The following ABCA7 variants were observed in gnomAD, a reference collection of about 807,000 sequenced individuals.
The protein encoded by ABCA7 is phospholipid-transporting ATPase ABCA7.
Under a neutral mutation model 227.6 loss-of-function variants are expected in ABCA7, and 261 were observed. The ratio of observed to expected loss-of-function variants is 1.15; its 90% confidence interval spans 1.04 to 1.27. ABCA7 has a LOEUF of 1.27. Ranked by LOEUF, ABCA7 falls within the 50% of genes most tolerant of loss-of-function variation. ABCA7 has a pLI of 0.00. For missense variants in ABCA7, 3,331 were observed against 2,924.5 expected (o/e 1.14, Z -3.21); for synonymous variants, 1,488 against 1,279.7 (o/e 1.16, Z -3.47).
Position 1,057,115 on chromosome 19 carries a change from C to T in ABCA7, c.4764+31C>T, listed in dbSNP as rs138351872. 6,404 of 1,598,448 alleles carry T rather than the reference C, an allele frequency of 4.0e-3. 20 individuals carry two copies. The highest frequency in any genetic ancestry group is 4.8e-3 in the Non-Finnish European group (5,620 of 1,172,062). ...GGGGCTGCTTGGACGGGTGGGGGCC[C>T]AGCCACTGCTTGCCACTGCCCTGTC... On this transcript the variant is annotated intron_variant, in intron 34 of 46. Transcript: ENST00000263094.
chr19:1,045,097 C>T lies in ABCA7; in HGVS notation c.1311C>T (p.Gly437=), dbSNP rs1188696054. The T allele has an allele frequency of 7.4e-6, 12 of 1,612,956 alleles. No homozygotes were observed. The highest frequency in any genetic ancestry group is 1.6e-4 in the Middle Eastern group (1 of 6,062). The change falls in exon 12 of 47, where the codon GGC becomes GGT. Residue 437 remains glycine, a synonymous_variant. Transcript: ENST00000263094. ...QLLAEHRFWA[G]VVFLGPEDSS... ...TCGCGGAACATCGATTCTGGGCCGGCGTCGTCTTCTTGGGACCTGAGGACT... is the reference window on the plus strand; with the variant it reads ...TCGCGGAACATCGATTCTGGGCCGGTGTCGTCTTCTTGGGACCTGAGGACT...
rs1276313538 is a variant in ABCA7, at chr19:1,056,873, C to T, written c.4587-34C>T. On this transcript the variant is annotated intron_variant, in intron 33 of 46. Transcript: ENST00000263094. The surrounding 1 kb of genome is among the most constrained non-coding windows in gnomAD (Gnocchi z 4.3). ...CTGCTCTGAGCAACCCATGCACCCT[C>T]ACCCTACAACAGCTCTCATGTCTTC... 2 of 1,598,028 alleles carry T rather than the reference C, an allele frequency of 1.3e-6. No homozygotes were observed. Among genetic ancestry groups the T allele is most frequent in the South Asian group, 2.2e-5 (2 of 89,000 alleles).
Position 1,056,507 on chromosome 19 carries a change from C to T in ABCA7, c.4586+8C>T. The T allele has an allele frequency of 4.3e-6, 7 of 1,609,220 alleles. No homozygotes were observed. The highest frequency in any genetic ancestry group is 5.1e-6 in the Non-Finnish European group (6 of 1,177,896). On this transcript the variant is annotated splice_region_variant and intron_variant, in intron 33 of 46. Coordinates refer to ENST00000263094, the MANE Select transcript of ABCA7 (RefSeq NM_019112.4). The surrounding 1 kb of genome is among the most constrained non-coding windows in gnomAD (Gnocchi z 4.3). Reference sequence around the variant, plus strand: ...GCTGTCTGAGGGTGCACTGTGAGTCCCTCCACCCTGCATGTCCTACCCTGC... The same window carrying T: ...GCTGTCTGAGGGTGCACTGTGAGTCTCTCCACCCTGCATGTCCTACCCTGC...
chr19:1,047,704 G>A (rs2040851134), intron 16 of ABCA7, 50 bp downstream of exon 16: 1 of 1,519,598 alleles, frequency 6.6e-7, no homozygotes, highest in African/African-American at 1.4e-5. Context: ...TGCTTTGCGG[G>A]AGGCTGAGCT....
At position 1,054,008 on chromosome 19, in the gene ABCA7, G is replaced by A. The variant is rs771822349; in HGVS notation, c.3475G>A (p.Gly1159Ser). The stretch of plus-strand genomic sequence containing the variant: ...CCTGACCCCTGATGGCCCTGCAGAT[G>A]GCAGCTGCGGGCAGCACCTATGCAC... ...ECAADTDMEDGSCGQHLCTGI... is the reference protein window; with the variant it reads ...ECAADTDMEDSSCGQHLCTGI... Residue 1159 changes from glycine to serine, a missense_variant and splice_region_variant, in exon 26 of 47, where the codon GGC becomes AGC. Coordinates refer to ENST00000263094, the MANE Select transcript of ABCA7 (RefSeq NM_019112.4). This position sits in a 1 kb window ranked among gnomAD's most constrained non-coding sequence, Gnocchi z 4.8. The A allele has an allele frequency of 6.2e-7, 1 of 1,613,150 alleles. No individual in the cohort carries two copies. The highest frequency in any genetic ancestry group is 1.7e-5 in the Admixed American group (1 of 60,006).
In ABCA7 at chr19:1,056,208, T is replaced by G. The variant is rs1212304791; in HGVS notation, c.4381T>G (p.Trp1461Gly). 1 of 1,603,088 alleles carries G rather than the reference T, an allele frequency of 6.2e-7. No individual in the cohort carries two copies. The highest frequency in any genetic ancestry group is 8.5e-7 in the Non-Finnish European group (1 of 1,176,258). Residue 1461 changes from tryptophan (W) to glycine (G), a missense_variant, in exon 32 of 47, where the codon TGG becomes GGG. Transcript: ENST00000263094. The surrounding 1 kb of genome is among the most constrained non-coding windows in gnomAD (Gnocchi z 4.3). The part of the protein sequence containing the change: ...LDRVLKNLTA[W>G]AHSLDAQDSL... Reference sequence around the variant, plus strand: ...CCGTGTCCTGAAAAACCTCACAGCCTGGGCTCACAGCCTGGATGCTCAGGA... The same window carrying G: ...CCGTGTCCTGAAAAACCTCACAGCCGGGGCTCACAGCCTGGATGCTCAGGA...
intron 41 of ABCA7, 75 bp from the exon 42 acceptor site, chr19:1,062,097 T>G: frequency 8.3e-6 from 13 of 1,570,206 alleles, no homozygotes; most frequent in Non-Finnish European, 1.1e-5. Context: ...GGGTGGGCCC[T>G]GAGACCCCTG....
At chr19:1,051,348 C>A in intron 20 of ABCA7, 54 bp downstream of exon 20, 1 of 1,497,644 alleles carries the variant, frequency 6.7e-7, no homozygotes, top group South Asian at 1.2e-5. Flanking sequence ...GGGGATTCAT[C>A]CTGAAGGCAG....
Position 1,065,052 on chromosome 19 carries a change from C to A in ABCA7, c.6166C>A (p.Arg2056Ser), listed in dbSNP as rs372768841. 117 of 1,559,532 alleles carry A rather than the reference C, an allele frequency of 7.5e-5. 3 individuals are homozygous for A. The South Asian group carries it at 1.2e-3, about 16-fold the overall frequency. The change falls in exon 46 of 47, where the codon CGC (arginine) becomes AGC (serine). Residue 2056 changes from arginine (R) to serine (S), a missense_variant. By Grantham distance (110) the Arg-to-Ser change is moderately radical. Transcript: ENST00000263094. Reference protein sequence around the residue: ...ELREAHGGRLRFQLPPGGRCA... With the variant: ...ELREAHGGRLSFQLPPGGRCA... The stretch of plus-strand genomic sequence containing the variant: ...GCGCGAGGCACATGGAGGCCGCCTG[C>A]GCTTCCAGCTGCCGCCGGGAGGGCG...
rs564394706 is a variant in ABCA7 at position 1,054,434 on chromosome 19, C to T, written c.3726+93C>T. The T allele has an allele frequency of 1.9e-5, 29 of 1,550,062 alleles. No individual in the cohort carries two copies. Among genetic ancestry groups the T allele is most frequent in the Admixed American group, 5.2e-5 (3 of 57,390 alleles). On this transcript the variant is annotated intron_variant, in intron 27 of 46. Transcript: ENST00000263094. This position sits in a 1 kb window ranked among gnomAD's most constrained non-coding sequence, Gnocchi z 4.8. ...GTGGCCTAATCCAAACCCTTACCCC[C>T]GTGTGTATTCCCAACCCAAAGCACA...
At chr19:1,045,264 A>C in intron 12 of ABCA7, 33 bp downstream of exon 12, 1 of 1,376,172 alleles carries the variant, frequency 7.3e-7, no homozygotes, top group Non-Finnish European at 1.0e-6. Flanking sequence ...GGGATGAGGG[A>C]CTGGGCGGGG....
chr19:1,056,831 C>A lies in ABCA7; in HGVS notation c.4587-76C>A. On this transcript the variant is annotated intron_variant, in intron 33 of 46. Transcript: ENST00000263094. The surrounding 1 kb of genome is among the most constrained non-coding windows in gnomAD (Gnocchi z 4.3). ...ACTGCCCCATAGACCTTTGTCCCAT[C>A]AATGGCGTGTTCAGCTCTGCTCTGA... The A allele has an allele frequency of 6.7e-7, 1 of 1,486,192 alleles. No homozygotes were observed. Among genetic ancestry groups the A allele is most frequent in the Non-Finnish European group, 9.2e-7 (1 of 1,085,756 alleles). 92.1% of individuals were successfully genotyped at this position (1,486,192 alleles called of 1,614,324 possible). A position where few individuals can be genotyped will look rare whatever the true frequency, so the allele number is the denominator to read the frequency against.
At chr19:1,050,554 G>A (rs908498894) in intron 18 of ABCA7, among the ~76,000 whole-genome samples, 3 of 151,954 alleles carry the variant, frequency 2.0e-5, no homozygotes, top group Non-Finnish European at 2.9e-5. Flanking sequence ...GGTGGATCAC[G>A]AGGTCAGGAG....
chr19:1,054,237 G>A lies in ABCA7; in HGVS notation c.3622G>A (p.Val1208Met), dbSNP rs1027927807. ...ETDQGSGPDAVGRVQGWALTR... is the reference protein window; with the variant it reads ...ETDQGSGPDAMGRVQGWALTR... ...TGACCAGGGCTCTGGGCCAGACGCC[G>A]TGGGCCGGGTACAGGGCTGGGCACT... Residue 1208 changes from valine (V) to methionine (M), a missense_variant, in exon 27 of 47, where the codon GTG becomes ATG. By Grantham distance (21) the Val-to-Met change is conservative. Coordinates refer to ENST00000263094, the MANE Select transcript of ABCA7 (RefSeq NM_019112.4). The surrounding 1 kb of genome is among the most constrained non-coding windows in gnomAD (Gnocchi z 4.8). 1.8e-5 allele frequency: 29 copies of A among 1,608,222 alleles called. No individual in the cohort carries two copies. The highest frequency in any genetic ancestry group is 2.3e-5 in the Non-Finnish European group (27 of 1,177,634).
Position 1,065,392 on chromosome 19 carries a change from C to T in ABCA7, c.6408C>T (p.Leu2136=). 1 of 1,613,542 alleles carries T rather than the reference C, an allele frequency of 6.2e-7. No homozygotes were observed. Among genetic ancestry groups the T allele is most frequent in the Non-Finnish European group, 8.5e-7 (1 of 1,179,986 alleles). Residue 2136 remains leucine (L), a synonymous_variant, in exon 47 of 47, where the codon CTC becomes CTT. Coordinates refer to ENST00000263094, the MANE Select transcript of ABCA7 (RefSeq NM_019112.4). ...ACCCCAAACGCGTCAGCCAGTTCCT[C>T]GATGACCCTAGCACTGCCGAGACTG... is the stretch of plus-strand genomic sequence containing the variant. ...LQHPKRVSQF[L]DDPSTAETVL
chr19:1,047,666 G>A lies in ABCA7; in HGVS notation c.2269+12G>A. The A allele has an allele frequency of 6.3e-7, 1 of 1,581,722 alleles. No homozygotes were observed. The highest frequency in any genetic ancestry group is 8.6e-7 in the Non-Finnish European group (1 of 1,168,040). On this transcript the variant is annotated intron_variant, in intron 16 of 46. Transcript: ENST00000263094. ...AGCTGTGTGCCCAGGTGGGCCGTAG[G>A]GGGCGGGGCTCCGGGCCGGGTCGCA...
At chr19:1,046,053 C>G (rs531773923) in intron 12 of ABCA7, among the ~76,000 whole-genome samples, 177 bp from the exon 13 acceptor site, 2 of 152,118 alleles carry the variant, frequency 1.3e-5, no homozygotes, top group Non-Finnish European at 2.9e-5. Context: ...CTTGGGAGGC[C>G]GAGCTGGGGG....
At position 1,042,822 on chromosome 19, in the gene ABCA7, A is replaced by G. The variant is rs757099593; in HGVS notation, c.575A>G (p.Gln192Arg). Residue 192 changes from glutamine (Q) to arginine (R), a missense_variant, in exon 7 of 47, where the codon CAG becomes CGG. Coordinates refer to ENST00000263094, the MANE Select transcript of ABCA7 (RefSeq NM_019112.4). Reference protein sequence around the residue: ...SLLEAAEDLAQELLALRSLVE... With the variant: ...SLLEAAEDLARELLALRSLVE... Reference sequence around the variant, plus strand: ...TTGGAGGCCGCTGAGGACCTGGCCCAGGAGGTACGAGGCCCCACTCATCCT... The same window carrying G: ...TTGGAGGCCGCTGAGGACCTGGCCCGGGAGGTACGAGGCCCCACTCATCCT... 1 of 1,597,402 alleles carries G rather than the reference A, an allele frequency of 6.3e-7. No individual in the cohort carries two copies. The highest frequency in any genetic ancestry group is 1.1e-5 in the South Asian group (1 of 90,048).
Position 1,042,305 on chromosome 19 carries a change from C to T in ABCA7, c.416-10C>T. ...CCCCAGCCCCATGCTCCCGTGCGCT[C>T]CTCCCCCAGCCCAGCCTCAACCAAC... On this transcript the variant is annotated splice_polypyrimidine_tract_variant and intron_variant, in intron 5 of 46. Transcript: ENST00000263094. 1 of 1,574,340 alleles carries T rather than the reference C, an allele frequency of 6.4e-7. No individual in the cohort carries two copies. The highest frequency in any genetic ancestry group is 8.7e-7 in the Non-Finnish European group (1 of 1,154,150).
Sources: gnomAD v4.1 joint callset for allele counts (sites outside exome capture counted in the v4.1 genomes callset) on GRCh38, gnomAD v4.1.1 for gene constraint, Gnocchi (gnomAD v3.1) non-coding constraint, MANE v1.5 for transcripts, NCBI Gene and HGNC (gene_info 2026-07-23, HGNC 2026-07-21) for gene names.